The following ARHGAP15 variants were observed in gnomAD, a reference collection of about 807,000 sequenced individuals.
The protein encoded by ARHGAP15 is Rho GTPase activating protein 15.
A neutral mutation model predicts 63.7 loss-of-function variants in ARHGAP15; 51 were observed. The observed-to-expected ratio is 0.80, with a 90% CI of 0.64 to 1.01. The LOEUF (loss-of-function observed/expected upper bound fraction) is 1.01, where lower values mean the gene tolerates loss of function less well. ARHGAP15 is among the 50% of genes least tolerant of loss of function. The pLI is 0.00. For synonymous variants in ARHGAP15, 191 were observed against 193.8 expected (o/e 0.99, Z 0.12); for missense variants, 560 against 564.6 (o/e 0.99, Z 0.08).
At chr2:143,531,460 C>A (rs976193189) in intron 10 of ARHGAP15, among the ~76,000 whole-genome samples, 26 of 152,034 alleles carry the variant, frequency 1.7e-4, no homozygotes, top group African/African-American at 6.3e-4. Flanking sequence ...TCCAAATTAA[C>A]CCTTGGATTT....
At chr2:143,142,318 A>G (rs1338527445) in intron 1 of ARHGAP15, among the ~76,000 whole-genome samples, 1 of 152,102 alleles carries the variant, frequency 6.6e-6, no homozygotes, top group Non-Finnish European at 1.5e-5. Context: ...AATAAATCCC[A>G]ATAAATGTTT....
rs76187479 is a variant in ARHGAP15, at chr2:143,171,778, G to C, written c.165+16123G>C. ...ACATGACCTTCTGTAACCATTAAAG[G>C]TTCCATTTGGCTCTATGTAGCAGAA... On this transcript the variant is annotated intron_variant, in intron 2 of 13. Transcript: ENST00000295095. Among the ~76,000 whole-genome samples the C allele has an allele frequency of 5.3e-5, 8 of 152,120 alleles. No homozygotes were observed. The East Asian group carries it at 1.4e-3, about 26-fold the overall frequency.
chr2:143,682,959 T>C (rs1400270450), intron 12 of ARHGAP15: 2 of 152,204 alleles, frequency 1.3e-5, no homozygotes, highest in Non-Finnish European at 2.9e-5. Context: ...TTCCCGGAGT[T>C]ATTGATGGCA....
intron 12 of ARHGAP15, among the ~76,000 whole-genome samples, chr2:143,695,439 C>T (rs1311961574): frequency 2.6e-5 from 4 of 152,070 alleles, no homozygotes; most frequent in Non-Finnish European, 5.9e-5. Context: ...GCCTTACGCT[C>T]CAATTCAGAC....
chr2:143,418,423 T>A (rs1413704334), intron 6 of ARHGAP15, among the ~76,000 whole-genome samples: 4 of 152,164 alleles, frequency 2.6e-5, no homozygotes, highest in African/African-American at 9.7e-5. Flanking sequence ...CTAAGAGATA[T>A]AAATAAAACC....
At chr2:143,402,362 G>T (rs1688019013) in intron 6 of ARHGAP15, among the ~76,000 whole-genome samples, 2 of 151,844 alleles carry the variant, frequency 1.3e-5, no homozygotes, top group South Asian at 4.1e-4. Flanking sequence ...ATATTCTGTT[G>T]TTTTATTACA....
At chr2:143,342,192 T>G (rs2105289144) in intron 6 of ARHGAP15, among the ~76,000 whole-genome samples, 1 of 152,216 alleles carries the variant, frequency 6.6e-6, no homozygotes, top group African/African-American at 2.4e-5. Context: ...AGTTGAAAGC[T>G]ATATCCTAAG....
intron 6 of ARHGAP15, among the ~76,000 whole-genome samples, chr2:143,349,647 TG>T: frequency 6.6e-6 from 1 of 152,320 alleles, no homozygotes; most frequent in African/African-American, 2.4e-5. Context: ...AAATATCTTT[TG>T]TATTAGTATG....
chr2:143,425,757 T>G (rs1689114798), intron 6 of ARHGAP15, among the ~76,000 whole-genome samples: 1 of 28,218 alleles, frequency 3.5e-5, no homozygotes, highest in South Asian at 1.5e-3. Context: ...ACATAGATAG[T>G]TAGTTTCATT....
intron 5 of ARHGAP15, among the ~76,000 whole-genome samples, chr2:143,238,972 AATAATGAGAAC>A (rs1693759231): frequency 6.6e-6 from 1 of 152,138 alleles, no homozygotes; most frequent in Non-Finnish European, 1.5e-5. Flanking sequence ...GTGGGAGCTG[AATAATGAGAAC>A]ACATGGATAG....
At chr2:143,610,508 C>G in intron 11 of ARHGAP15, among the ~76,000 whole-genome samples, 1 of 152,120 alleles carries the variant, frequency 6.6e-6, no homozygotes, top group East Asian at 1.9e-4. Flanking sequence ...TGCAAACAAT[C>G]CACTTGTTTA....
At chr2:143,244,277 GA>G (rs61566179) in intron 5 of ARHGAP15, among the ~76,000 whole-genome samples, 25,389 of 151,642 alleles carry the variant, frequency 0.17, 2,298 homozygotes, top group Middle Eastern at 0.24. Context: ...ATAGCTAGGG[GA>G]AAAAAAACAC....
chr2:143,287,758 G>A (rs1479813440), intron 6 of ARHGAP15, among the ~76,000 whole-genome samples: 1 of 151,992 alleles, frequency 6.6e-6, no homozygotes, highest in African/African-American at 2.4e-5. Flanking sequence ...AGCTGAGATC[G>A]CGCCATTGCA....
chr2:143,469,277 G>A (rs1407529738), intron 8 of ARHGAP15, among the ~76,000 whole-genome samples: 2 of 152,180 alleles, frequency 1.3e-5, no homozygotes, highest in East Asian at 1.9e-4. Flanking sequence ...TTCACAGGTA[G>A]CATGCTAGAA....
At chr2:143,667,446 G>A (rs1489011412) in intron 12 of ARHGAP15, among the ~76,000 whole-genome samples, 1 of 142,920 alleles carries the variant, frequency 7.0e-6, no homozygotes. Flanking sequence ...GGGAGAGATA[G>A]CATTGGGAGA....
At chr2:143,430,596 C>T (rs1248934198) in intron 6 of ARHGAP15, among the ~76,000 whole-genome samples, 5 of 151,940 alleles carry the variant, frequency 3.3e-5, no homozygotes, top group African/African-American at 9.7e-5. Context: ...CTTGATATCT[C>T]CCTATCATGT....
intron 12 of ARHGAP15, among the ~76,000 whole-genome samples, chr2:143,659,647 T>C (rs139728350): frequency 6.6e-6 from 1 of 152,216 alleles, no homozygotes; most frequent in Non-Finnish European, 1.5e-5. Context: ...ACTACCGCCC[T>C]AGGGGCTAGT....
intron 6 of ARHGAP15, among the ~76,000 whole-genome samples, chr2:143,319,510 C>T (rs1442269605): frequency 2.6e-5 from 4 of 152,160 alleles, no homozygotes; most frequent in African/African-American, 9.7e-5. Context: ...GCATGAGCCA[C>T]CGCACCTGGC....
At chr2:143,378,975 A>AT (rs1328444699) in intron 6 of ARHGAP15, among the ~76,000 whole-genome samples, 3 of 151,668 alleles carry the variant, frequency 2.0e-5, no homozygotes, top group Non-Finnish European at 4.4e-5. Flanking sequence ...TTTTTTAATT[A>AT]TTTTTTTATT....
Sources: allele counts gnomAD v4.1 joint callset (sites outside exome capture counted in the v4.1 genomes callset), GRCh38; gene constraint gnomAD v4.1.1; transcripts MANE v1.5; gene names NCBI Gene and HGNC (gene_info 2026-07-23, HGNC 2026-07-21).